MYT1L: variants seen among roughly 807,000 people sequenced by gnomAD.
MYT1L encodes the protein myelin transcription factor 1-like protein.
Under a neutral mutation model 126.7 loss-of-function variants are expected in MYT1L, and 12 were observed. That is an observed-to-expected ratio of 0.09 (90% CI 0.06 to 0.15). The LOEUF (loss-of-function observed/expected upper bound fraction) is 0.15. Ranked by LOEUF, MYT1L falls within the 10% of genes least tolerant of loss-of-function variation. The pLI, the probability that MYT1L is intolerant of heterozygous loss-of-function variation, is 1.00. For missense variants in MYT1L, 979 were observed against 1,585.2 expected (o/e 0.62, Z 6.49); for synonymous variants, 541 against 604.2 (o/e 0.90, Z 1.53).
chr2:1,866,845 G>A (rs551805689), intron 18 of MYT1L, among the ~76,000 whole-genome samples: 17 of 125,370 alleles, frequency 1.4e-4, no homozygotes, highest in East Asian at 1.1e-3. Context: ...GAGAGAGGCC[G>A]TCAGAGAGGG....
chr2:1,995,388 A>G (rs2149595772), intron 5 of MYT1L, among the ~76,000 whole-genome samples: 1 of 152,332 alleles, frequency 6.6e-6, no homozygotes. Context: ...TCACCATGAG[A>G]GAAATGCACC....
At chr2:2,247,567 C>T (rs989698289) in intron 2 of MYT1L, among the ~76,000 whole-genome samples, 2 of 152,110 alleles carry the variant, frequency 1.3e-5, no homozygotes, top group East Asian at 3.9e-4. Flanking sequence ...TGAATGGCTA[C>T]AGAATACACA....
chr2:1,917,441 G>T lies in MYT1L; in HGVS notation c.1484-102C>A. 1 of 1,407,984 alleles carries T rather than the reference G, an allele frequency of 7.1e-7. No homozygotes were observed. Among genetic ancestry groups the T allele is most frequent in the Non-Finnish European group, 9.7e-7 (1 of 1,033,390 alleles). The allele number at this position is 1,407,984 out of a possible 1,614,324, so 87.2% of individuals were successfully genotyped here. A position where few individuals can be genotyped will look rare whatever the true frequency, so the allele number is the denominator to read the frequency against. ...AAACCTTGCTAAAGAAAGAAATAAA[G>T]CAGGTGTCGGGGGCTAGGCTGTGAC... On this transcript the variant is annotated intron_variant, in intron 10 of 24. Coordinates refer to ENST00000647738, the MANE Select transcript of MYT1L (RefSeq NM_001303052.2). This position sits in a 1 kb window ranked among gnomAD's most constrained non-coding sequence, Gnocchi z 5.9.
intron 3 of MYT1L, among the ~76,000 whole-genome samples, chr2:2,102,709 A>AAG (rs2078248656): frequency 6.6e-6 from 1 of 151,574 alleles, no homozygotes; most frequent in African/African-American, 2.4e-5. Context: ...TTGATCCGTG[A>AAG]AGCACTGAGT....
chr2:1,873,469 T>C (rs910297092), intron 18 of MYT1L, among the ~76,000 whole-genome samples: 2 of 152,176 alleles, frequency 1.3e-5, no homozygotes, highest in Non-Finnish European at 2.9e-5. Flanking sequence ...GTCACTGCCA[T>C]GTTATTTGAT....
chr2:1,864,019 G>A (rs1469495229), intron 18 of MYT1L, among the ~76,000 whole-genome samples: 1 of 152,202 alleles, frequency 6.6e-6, no homozygotes, highest in Admixed American at 6.5e-5. Context: ...TCACAAGGTG[G>A]CTGGATGGGC....
intron 1 of MYT1L, among the ~76,000 whole-genome samples, chr2:2,299,065 G>C (rs1474128801): frequency 3.3e-5 from 5 of 152,094 alleles, no homozygotes; most frequent in Admixed American, 1.3e-4. Flanking sequence ...TGTTAGCCAG[G>C]ATGGTCTCGA....
chr2:1,911,445 G>A (rs2051956882), intron 12 of MYT1L, among the ~76,000 whole-genome samples: 1 of 152,156 alleles, frequency 6.6e-6, no homozygotes, highest in Admixed American at 6.6e-5. Flanking sequence ...TATCAAGTCT[G>A]CACAGGACAG....
rs1423617250 is a variant in MYT1L, at chr2:1,889,258, C to T, written c.2503G>A (p.Glu835Lys). The change falls in exon 16 of 25, where the codon GAG becomes AAG. Residue 835 changes from glutamate (E) to lysine (K), a missense_variant. Physicochemically the swap from Glu to Lys is moderately conservative, Grantham distance 56. Around this residue, in one of 12 missense-constraint regions of MYT1L, gnomAD observed 141 missense variants for 170.6 expected, o/e 0.83. Coordinates refer to ENST00000647738, the MANE Select transcript of MYT1L (RefSeq NM_001303052.2). This position sits in a 1 kb window ranked among gnomAD's most constrained non-coding sequence, Gnocchi z 4.1. ...GGACATACAGTAATGTCTTTGGACT[C>T]GTCCTCGTCTATCCTCCGGGGTTTC... is the stretch of plus-strand genomic sequence containing the variant. ...KMKPRRIDED[E>K]SKDITPEDLD... is the part of the protein sequence containing the mutation. 3 of 1,613,852 alleles carry T rather than the reference C, an allele frequency of 1.9e-6. No individual in the cohort carries two copies. Among genetic ancestry groups the T allele is most frequent in the South Asian group, 1.1e-5 (1 of 91,070 alleles).
At chr2:2,105,074 T>C (rs771112397) in intron 3 of MYT1L, among the ~76,000 whole-genome samples, 1 of 152,250 alleles carries the variant, frequency 6.6e-6, no homozygotes, top group South Asian at 2.1e-4. Context: ...TAATATCATC[T>C]ACTTTTATTT....
chr2:2,199,123 A>G (rs903504215), intron 2 of MYT1L, among the ~76,000 whole-genome samples: 5 of 152,194 alleles, frequency 3.3e-5, no homozygotes, highest in African/African-American at 1.2e-4. Flanking sequence ...AGGCTTTGGA[A>G]AGGTTCAGAA....
At chr2:2,239,884 C>T (rs1285909201) in intron 2 of MYT1L, among the ~76,000 whole-genome samples, 2 of 152,168 alleles carry the variant, frequency 1.3e-5, no homozygotes, top group Non-Finnish European at 1.5e-5. Flanking sequence ...TTCTCTCTGC[C>T]CCCGGGTCCC....
At chr2:1,800,698 C>T (rs1230327543) in intron 23 of MYT1L, among the ~76,000 whole-genome samples, 1 of 152,182 alleles carries the variant, frequency 6.6e-6, no homozygotes, top group Non-Finnish European at 1.5e-5. Flanking sequence ...TCTGCATTTA[C>T]AGAGCGGGGA....
intron 18 of MYT1L, among the ~76,000 whole-genome samples, chr2:1,861,564 G>A (rs928534117): frequency 1.3e-5 from 2 of 152,142 alleles, no homozygotes; most frequent in African/African-American, 4.8e-5. Context: ...TTCTAATCGG[G>A]GTTTGGGGGG....
intron 18 of MYT1L, among the ~76,000 whole-genome samples, chr2:1,862,799 G>A (rs867544389): frequency 6.6e-6 from 1 of 152,290 alleles, no homozygotes; most frequent in African/African-American, 2.4e-5. Context: ...TCTGGAATCA[G>A]TGACGTGTGT....
At chr2:1,966,256 C>T (rs1306210822) in intron 8 of MYT1L, among the ~76,000 whole-genome samples, 2 of 152,222 alleles carry the variant, frequency 1.3e-5, no homozygotes, top group African/African-American at 2.4e-5. Context: ...AAACAGGCAT[C>T]GCTTGACTTA....
chr2:2,122,252 G>A (rs768313089), intron 3 of MYT1L, among the ~76,000 whole-genome samples: 7 of 152,186 alleles, frequency 4.6e-5, no homozygotes, highest in Non-Finnish European at 5.9e-5. Flanking sequence ...CATCTTGGAC[G>A]ATGTATTTGA....
At chr2:2,011,924 G>C (rs2063863144) in intron 4 of MYT1L, among the ~76,000 whole-genome samples, 1 of 152,190 alleles carries the variant, frequency 6.6e-6, no homozygotes, top group Admixed American at 6.5e-5. Flanking sequence ...CATTGCACTT[G>C]AGGATGGCCC....
chr2:1,849,715 C>T (rs900060981), intron 19 of MYT1L, among the ~76,000 whole-genome samples: 5 of 152,224 alleles, frequency 3.3e-5, no homozygotes, highest in Admixed American at 6.5e-5. Context: ...AACGTTGGCA[C>T]GGAGTCTGGA....
Sources: allele counts gnomAD v4.1 joint callset (sites outside exome capture counted in the v4.1 genomes callset), GRCh38; gene constraint gnomAD v4.1.1; regional missense constraint gnomAD v4.1.1; non-coding constraint Gnocchi (gnomAD v3.1); transcripts MANE v1.5; gene names NCBI Gene and HGNC (gene_info 2026-07-23, HGNC 2026-07-21).